Variants in CNTN6 observed in about 807,000 individuals in gnomAD.
The protein encoded by CNTN6 is contactin 6, also known as contactin-6.
A neutral mutation model predicts 122.8 loss-of-function variants in CNTN6; 137 were observed. The observed-to-expected ratio is 1.12, with a 90% CI of 0.97 to 1.29. CNTN6 has a LOEUF of 1.29. Ranked by LOEUF, CNTN6 falls within the 50% of genes most tolerant of loss-of-function variation. The pLI is 0.00. For synonymous variants in CNTN6, 570 were observed against 426.0 expected (o/e 1.34, Z -4.16); for missense variants, 1,634 against 1,223.4 (o/e 1.34, Z -5.01).
chr3:1,104,339 A>C (rs938058824), intron 1 of CNTN6, among the ~76,000 whole-genome samples: 1 of 152,182 alleles, frequency 6.6e-6, no homozygotes, highest in Admixed American at 6.5e-5. Flanking sequence ...AATAATAATT[A>C]TTCCTCTGTT....
At chr3:1,177,764 A>AT (rs982531976) in intron 2 of CNTN6, among the ~76,000 whole-genome samples, 1 of 150,108 alleles carries the variant, frequency 6.7e-6, no homozygotes, top group African/African-American at 2.5e-5. Flanking sequence ...TACTTTTTTT[A>AT]TTTTTCGGTA....
intron 2 of CNTN6, among the ~76,000 whole-genome samples, chr3:1,167,304 A>G (rs1296480854): frequency 6.6e-6 from 1 of 152,084 alleles, no homozygotes. Flanking sequence ...TTTTCCTATC[A>G]GTTGCCAATT....
At chr3:1,094,829 T>A (rs951086049) in intron 1 of CNTN6, among the ~76,000 whole-genome samples, 4 of 152,078 alleles carry the variant, frequency 2.6e-5, no homozygotes, top group Admixed American at 1.3e-4. Flanking sequence ...TAAATTCTTT[T>A]ATGTGAGGAG....
chr3:1,321,731 C>G lies in CNTN6; in HGVS notation c.843C>G (p.Ile281Met), dbSNP rs1240724649. The G allele has an allele frequency of 1.9e-6, 3 of 1,611,866 alleles. No homozygotes were observed. Among genetic ancestry groups the G allele is most frequent in the South Asian group, 1.1e-5 (1 of 91,010 alleles). The change falls in exon 8 of 23, where the codon ATC (isoleucine) becomes ATG (methionine). Residue 281 changes from isoleucine (I) to methionine (M), a missense_variant. Physicochemically the swap from Ile to Met is conservative, Grantham distance 10. Coordinates refer to ENST00000446702, the MANE Select transcript of CNTN6 (RefSeq NM_001289080.2). Reference sequence around the variant, plus strand: ...TCAAGTACAGCAAATCCCAAGCTATCCTTGAAATCCCGAACTTCCAACAAG... The same window carrying G: ...TCAAGTACAGCAAATCCCAAGCTATGCTTGAAATCCCGAACTTCCAACAAG... ...GKVKYSKSQAILEIPNFQQED... is the reference protein window; with the variant it reads ...GKVKYSKSQAMLEIPNFQQED...
chr3:1,321,950 A>G, intron 8 of CNTN6, 116 bp downstream of exon 8: 1 of 879,854 alleles, frequency 1.1e-6, no homozygotes, highest in Non-Finnish European at 1.7e-6. Context: ...AGGAAGGCAT[A>G]TTTCCGGGTT....
chr3:1,203,847 C>T (rs988938810), intron 2 of CNTN6, among the ~76,000 whole-genome samples: 2 of 152,100 alleles, frequency 1.3e-5, no homozygotes, highest in African/African-American at 4.8e-5. Flanking sequence ...ATGGTGGTAA[C>T]TTAGGATTAT....
intron 20 of CNTN6, among the ~76,000 whole-genome samples, chr3:1,392,727 C>G (rs1382057228): frequency 2.1e-5 from 3 of 144,350 alleles, no homozygotes; most frequent in African/African-American, 7.6e-5. Flanking sequence ...ACAAACAACC[C>G]CATCAACAAG....
intron 11 of CNTN6, among the ~76,000 whole-genome samples, chr3:1,340,191 C>T (rs1296295400): frequency 6.6e-6 from 1 of 152,088 alleles, no homozygotes; most frequent in African/African-American, 2.4e-5. Flanking sequence ...ATCTTAAACA[C>T]AACACTGCAG....
chr3:1,403,445 T>A lies in CNTN6; in HGVS notation c.*27T>A, dbSNP rs770795253. The A allele has an allele frequency of 6.7e-7, 1 of 1,487,474 alleles. No individual in the cohort carries two copies. The highest frequency in any genetic ancestry group is 1.7e-5 in the Admixed American group (1 of 59,402). The allele number at this position is 1,487,474 out of a possible 1,614,324, so 92.1% of individuals were successfully genotyped here. ...GAATAAAACCATAAATCTTTGAGAG[T>A]TTTTTGAAAGCAAATCATTCTGTAT... On this transcript the variant is annotated 3_prime_UTR_variant, in exon 23 of 23. Coordinates refer to ENST00000446702, the MANE Select transcript of CNTN6 (RefSeq NM_001289080.2).
chr3:1,287,079 TAG>T (rs375257471), intron 5 of CNTN6, among the ~76,000 whole-genome samples: 23 of 152,250 alleles, frequency 1.5e-4, no homozygotes, highest in African/African-American at 5.1e-4. Context: ...AGCACGTTCT[TAG>T]AGTCTTACAA....
chr3:1,383,197 G>GT (rs1692203106), intron 18 of CNTN6, 21 bp downstream of exon 18: 1 of 1,605,886 alleles, frequency 6.2e-7, no homozygotes, highest in African/African-American at 1.3e-5. Context: ...CTCAACTCTG[G>GT]TTTTCTTTGA....
intron 2 of CNTN6, among the ~76,000 whole-genome samples, chr3:1,170,788 A>G (rs2093345469): frequency 6.6e-6 from 1 of 152,152 alleles, no homozygotes; most frequent in Admixed American, 6.5e-5. Context: ...TTGAGGAAGG[A>G]CATAGCTGGG....
intron 2 of CNTN6, among the ~76,000 whole-genome samples, chr3:1,159,457 T>C (rs894214425): frequency 1.3e-5 from 2 of 152,142 alleles, no homozygotes; most frequent in Admixed American, 6.6e-5. Flanking sequence ...GACTTGTTTA[T>C]TTCCAAAATT....
intron 20 of CNTN6, among the ~76,000 whole-genome samples, chr3:1,387,361 T>TTGAC (rs1313999803): frequency 6.6e-6 from 1 of 152,222 alleles, no homozygotes; most frequent in Non-Finnish European, 1.5e-5. Flanking sequence ...TTACTCAATG[T>TTGAC]TGACTAAATC....
At chr3:1,186,842 A>G (rs1231919934) in intron 2 of CNTN6, among the ~76,000 whole-genome samples, 2 of 150,900 alleles carry the variant, frequency 1.3e-5, no homozygotes, top group African/African-American at 4.9e-5. Flanking sequence ...AGGGGTTAAA[A>G]GAAAAAAAAA....
rs991928667 is a variant in CNTN6, at chr3:1,115,510, G to C, written c.-83+22390G>C. Among the ~76,000 whole-genome samples the C allele has an allele frequency of 3.3e-5, 5 of 152,320 alleles. No individual in the cohort carries two copies. The South Asian group carries it at 6.2e-4, about 19-fold the overall frequency. ...CATGCCTGTAATCCCAGCACTTTGG[G>C]AGGCCAAGGCAAGCGGATCACAAGG... On this transcript the variant is annotated intron_variant, in intron 1 of 22. Transcript: ENST00000446702.
intron 20 of CNTN6, among the ~76,000 whole-genome samples, chr3:1,392,318 T>C (rs1034456255): frequency 3.9e-5 from 6 of 152,252 alleles, no homozygotes; most frequent in African/African-American, 1.4e-4. Flanking sequence ...GGATTCCCTA[T>C]TTAATAAATG....
At chr3:1,178,347 C>T (rs1343057765) in intron 2 of CNTN6, among the ~76,000 whole-genome samples, 2 of 152,034 alleles carry the variant, frequency 1.3e-5, no homozygotes, top group Non-Finnish European at 2.9e-5. Flanking sequence ...CAAATCTTTC[C>T]TTTGATATGT....
In CNTN6 at chr3:1,123,983, A is replaced by T. The variant is rs576985316; in HGVS notation, c.-82-23944A>T. On this transcript the variant is annotated intron_variant, in intron 1 of 22. Coordinates refer to ENST00000446702, the MANE Select transcript of CNTN6 (RefSeq NM_001289080.2). ...CCCCTTCATTCTATTAAGATGGGGT[A>T]TTCCTCTGATTGTTTCCTTATGTTG... Among the ~76,000 whole-genome samples, 7 of 152,072 alleles carry T rather than the reference A, an allele frequency of 4.6e-5. No homozygotes were observed. The South Asian group carries it at 1.5e-3, about 32-fold the overall frequency.
Sources: allele counts gnomAD v4.1 joint callset (sites outside exome capture counted in the v4.1 genomes callset), GRCh38; gene constraint gnomAD v4.1.1; transcripts MANE v1.5; gene names NCBI Gene and HGNC (gene_info 2026-07-23, HGNC 2026-07-21).